Variants in ADGRG6 observed in about 807,000 individuals in gnomAD.
The protein encoded by ADGRG6 is adhesion G protein-coupled receptor G6, also known as G-protein coupled receptor 126.
Under a neutral mutation model 142.4 loss-of-function variants are expected in ADGRG6, and 84 were observed. That is an observed-to-expected ratio of 0.59 (90% CI 0.49 to 0.71). ADGRG6 has a LOEUF of 0.71. Among genes scored for constraint, ADGRG6 ranks in the 30% least tolerant of loss-of-function variants. The pLI, the probability that ADGRG6 is intolerant of heterozygous loss-of-function variation, is 0.00. For synonymous variants in ADGRG6, 521 were observed against 520.5 expected (o/e 1.00, Z -0.01); for missense variants, 1,367 against 1,466.6 (o/e 0.93, Z 1.11).
At chr6:142,369,103 T>G (rs1781095305) in intron 3 of ADGRG6, among the ~76,000 whole-genome samples, 1 of 152,194 alleles carries the variant, frequency 6.6e-6, no homozygotes, top group Admixed American at 6.5e-5. Context: ...CTATTCTTGA[T>G]GTACTGAATA....
chr6:142,302,394 C>T, intron 1 of ADGRG6, 63 bp downstream of exon 1: 1 of 1,561,414 alleles, frequency 6.4e-7, no homozygotes, highest in Non-Finnish European at 8.8e-7. Context: ...CTTCTGTCGC[C>T]CCCTCCCCGA....
intron 24 of ADGRG6, among the ~76,000 whole-genome samples, chr6:142,439,388 C>T (rs1353499905): frequency 2.0e-5 from 3 of 152,098 alleles, no homozygotes; most frequent in Admixed American, 2.0e-4. Flanking sequence ...GTGAATGGCA[C>T]AAAGAAGATT....
At chr6:142,435,171 A>G (rs1199528302) in intron 22 of ADGRG6, among the ~76,000 whole-genome samples, 1 of 152,048 alleles carries the variant, frequency 6.6e-6, no homozygotes, top group Non-Finnish European at 1.5e-5. Context: ...TCCATACTAG[A>G]CCCTTTGTTC....
intron 17 of ADGRG6, among the ~76,000 whole-genome samples, chr6:142,410,458 A>G (rs917415295): frequency 6.6e-6 from 1 of 150,426 alleles, no homozygotes; most frequent in Non-Finnish European, 1.5e-5. Flanking sequence ...AGGCAAAATT[A>G]AGGGATGAAT....
chr6:142,348,689 T>C (rs1001128389), intron 2 of ADGRG6, among the ~76,000 whole-genome samples: 6 of 151,994 alleles, frequency 3.9e-5, no homozygotes, highest in African/African-American at 1.4e-4. Flanking sequence ...CTGAAATTTA[T>C]GTTAAATCTT....
At chr6:142,315,724 G>A (rs1049711259) in intron 2 of ADGRG6, among the ~76,000 whole-genome samples, 4 of 151,890 alleles carry the variant, frequency 2.6e-5, no homozygotes, top group East Asian at 1.9e-4. Flanking sequence ...CCAGCTACTC[G>A]GGAGGCTGAG....
At chr6:142,440,688 G>A (rs2115211976) in intron 24 of ADGRG6, among the ~76,000 whole-genome samples, 1 of 152,278 alleles carries the variant, frequency 6.6e-6, no homozygotes, top group East Asian at 1.9e-4. Flanking sequence ...ACTAGGATGA[G>A]AATATAGTTA....
At chr6:142,357,368 G>T (rs1236420657) in intron 2 of ADGRG6, among the ~76,000 whole-genome samples, 1 of 151,962 alleles carries the variant, frequency 6.6e-6, no homozygotes, top group Non-Finnish European at 1.5e-5. Context: ...GCATTAGATG[G>T]ATAGCATATT....
At chr6:142,365,213 G>A (rs746832370) in intron 2 of ADGRG6, among the ~76,000 whole-genome samples, 2 of 152,174 alleles carry the variant, frequency 1.3e-5, no homozygotes, top group Non-Finnish European at 2.9e-5. Flanking sequence ...TGCTGTGAGT[G>A]ATATAATTGG....
At chr6:142,373,830 G>A (rs1416850324) in intron 4 of ADGRG6, among the ~76,000 whole-genome samples, 1 of 151,338 alleles carries the variant, frequency 6.6e-6, no homozygotes, top group Non-Finnish European at 1.5e-5. Context: ...AGGCATGAGG[G>A]ATTGTGCCCA....
chr6:142,389,963 G>T (rs1774799538), intron 6 of ADGRG6, among the ~76,000 whole-genome samples: 3 of 151,734 alleles, frequency 2.0e-5, no homozygotes, highest in Admixed American at 2.0e-4. Flanking sequence ...ACAGACAGTA[G>T]ATATAAGAAA....
chr6:142,347,393 T>C (rs1779957847), intron 2 of ADGRG6, among the ~76,000 whole-genome samples: 1 of 152,188 alleles, frequency 6.6e-6, no homozygotes, highest in Admixed American at 6.5e-5. Flanking sequence ...AATTTGTTGA[T>C]ATATAATGAG....
intron 24 of ADGRG6, among the ~76,000 whole-genome samples, chr6:142,440,429 T>C (rs1777699925): frequency 6.6e-6 from 1 of 152,114 alleles, no homozygotes; most frequent in Admixed American, 6.6e-5. Flanking sequence ...CCCGAGTAGC[T>C]GGGACTACAG....
intron 2 of ADGRG6, among the ~76,000 whole-genome samples, chr6:142,364,604 T>G (rs1449415969): frequency 6.6e-6 from 1 of 152,194 alleles, no homozygotes; most frequent in Non-Finnish European, 1.5e-5. Flanking sequence ...TCCCAATAAC[T>G]CTGGGAAGTG....
At chr6:142,305,933 G>A (rs1006214209) in intron 1 of ADGRG6, among the ~76,000 whole-genome samples, 1 of 151,902 alleles carries the variant, frequency 6.6e-6, no homozygotes, top group Admixed American at 6.6e-5. Flanking sequence ...CTTTGGCTCA[G>A]GAACATGATC....
At position 142,443,500 on chromosome 6, in the gene ADGRG6, C is replaced by A; in HGVS notation, c.3738C>A (p.His1246Gln). 6.2e-7 allele frequency: 1 copy of A among 1,608,518 alleles called. No homozygotes were observed. Among genetic ancestry groups the A allele is most frequent in the Admixed American group, 1.7e-5 (1 of 59,420 alleles). The change falls in exon 25 of 25, where the codon CAC (histidine) becomes CAA (glutamine). Residue 1246 changes from histidine to glutamine, a missense_variant. His to Gln is a conservative substitution (Grantham distance 24, BLOSUM62 0). Coordinates refer to ENST00000367609, the MANE Select transcript of ADGRG6 (RefSeq NM_198569.3). ...TTATCATGTCAGACACCTTCAGCCA[C>A]AGCACAAAGTTTTAATGTCTTTAAG... ...KNIIMSDTFS[H>Q]STKF is the part of the protein sequence containing the mutation.
At chr6:142,318,918 C>G (rs1778384579) in intron 2 of ADGRG6, among the ~76,000 whole-genome samples, 1 of 151,952 alleles carries the variant, frequency 6.6e-6, no homozygotes, top group Non-Finnish European at 1.5e-5. Flanking sequence ...GACTTCCAGC[C>G]CAGCAGGGGA....
intron 2 of ADGRG6, among the ~76,000 whole-genome samples, chr6:142,323,655 G>T (rs1778625408): frequency 6.6e-6 from 1 of 152,044 alleles, no homozygotes; most frequent in Non-Finnish European, 1.5e-5. Context: ...AAACCTAAAT[G>T]GTATAGCCTC....
Position 142,415,067 on chromosome 6 carries a change from A to C in ADGRG6, c.2640A>C (p.Ala880=). The C allele has an allele frequency of 6.2e-7, 1 of 1,612,238 alleles. No homozygotes were observed. Residue 880 remains alanine, a synonymous_variant, in exon 19 of 25, where the codon GCA becomes GCC. Coordinates refer to ENST00000367609, the MANE Select transcript of ADGRG6 (RefSeq NM_198569.3). ...GTGGAATATCTGCTATTTTTTCAGC[A>C]GCAACTCTCCTGACATATGTTGCTT... ...IGCGISAIFS[A]ATLLTYVAFE...
Sources: allele counts gnomAD v4.1 joint callset (sites outside exome capture counted in the v4.1 genomes callset), GRCh38; gene constraint gnomAD v4.1.1; transcripts MANE v1.5; gene names NCBI Gene and HGNC (gene_info 2026-07-23, HGNC 2026-07-21).